Variants in CNKSR2 observed in about 807,000 individuals in gnomAD.
CNKSR2 encodes connector enhancer of kinase suppressor of Ras 2.
A neutral mutation model predicts 84.4 loss-of-function variants in CNKSR2; 14 were observed. The observed-to-expected ratio is 0.17, with a 90% confidence interval of 0.11 to 0.26. The LOEUF (loss-of-function observed/expected upper bound fraction) is 0.26. CNKSR2 is among the 10% of genes least tolerant of loss of function. The pLI, the probability that CNKSR2 is intolerant of heterozygous loss-of-function variation, is 1.00. For missense variants in CNKSR2, 485 were observed against 771.2 expected (o/e 0.63, Z 4.40); for synonymous variants, 275 against 277.9 (o/e 0.99, Z 0.10).
At chrX:21,493,148 C>T (rs774434870) in intron 6 of CNKSR2, 1 of 112,166 alleles carries the variant, frequency 8.9e-6, no homozygotes, top group African/African-American at 3.2e-5. Context: ...TTTAACAGTC[C>T]TAAAGCATTG....
chrX:21,385,490 G>T (rs894400190), intron 1 of CNKSR2, among the ~76,000 whole-genome samples: 2 of 111,656 alleles, frequency 1.8e-5, no homozygotes, highest in Admixed American at 9.5e-5. Context: ...ACTGTGTCCT[G>T]TGCTAGGTGC....
At chrX:21,571,767 A>G (rs1219619290) in intron 13 of CNKSR2, among the ~76,000 whole-genome samples, 1 of 112,318 alleles carries the variant, frequency 8.9e-6, no homozygotes, top group Non-Finnish European at 1.9e-5. Context: ...TGATATTACT[A>G]ACATATAAAC....
intron 1 of CNKSR2, among the ~76,000 whole-genome samples, chrX:21,413,355 C>T (rs914356011): frequency 9.1e-6 from 1 of 110,228 alleles, no homozygotes; most frequent in Non-Finnish European, 1.9e-5. Flanking sequence ...ATATGGGGTA[C>T]ATGAGATGTT....
chrX:21,539,916 T>C (rs1206267418), intron 11 of CNKSR2, among the ~76,000 whole-genome samples: 2 of 112,463 alleles, frequency 1.8e-5, no homozygotes, highest in East Asian at 5.5e-4. Context: ...TTAATGTATT[T>C]ACCTTTTTAA....
chrX:21,503,291 C>T, intron 8 of CNKSR2: 1 of 295,246 alleles, frequency 3.4e-6, no homozygotes, highest in Non-Finnish European at 5.9e-6. Flanking sequence ...TTTGGGAAAA[C>T]TTGGTTCCAG....
At chrX:21,542,228 A>T (rs915631928) in intron 11 of CNKSR2, among the ~76,000 whole-genome samples, 4 of 112,726 alleles carry the variant, frequency 3.5e-5, no homozygotes, top group Non-Finnish European at 7.5e-5. Flanking sequence ...TAGCAGAAGC[A>T]ATCTAGATTA....
intron 4 of CNKSR2, among the ~76,000 whole-genome samples, chrX:21,450,425 A>C (rs2090912939): frequency 9.0e-6 from 1 of 111,416 alleles, no homozygotes; most frequent in South Asian, 3.8e-4. Flanking sequence ...TTTTTCAAAT[A>C]CTGCACACAA....
chrX:21,499,687 A>G (rs77399723), intron 7 of CNKSR2, among the ~76,000 whole-genome samples: 147 of 110,357 alleles, frequency 1.3e-3, no homozygotes, highest in Non-Finnish European at 2.4e-3. Flanking sequence ...GTCATTTATA[A>G]TTAGGAGATC....
intron 17 of CNKSR2, among the ~76,000 whole-genome samples, chrX:21,596,305 G>A (rs1015392043): frequency 9.0e-6 from 1 of 111,573 alleles, no homozygotes; most frequent in Admixed American, 9.6e-5. Context: ...CTGATTAGCT[G>A]TGAGACCTTG....
At chrX:21,544,868 G>A (rs968738477) in intron 11 of CNKSR2, among the ~76,000 whole-genome samples, 1 of 111,438 alleles carries the variant, frequency 9.0e-6, no homozygotes, top group East Asian at 2.9e-4. Flanking sequence ...CAGATACTAC[G>A]CTTTTCCCAT....
chrX:21,636,015 G>A lies in CNKSR2; in HGVS notation c.2693-12816G>A, dbSNP rs761209766. 8.1e-5 allele frequency among the ~76,000 whole-genome samples: 9 copies of A among 111,249 alleles called. No homozygotes were observed. In the South Asian group the frequency reaches 1.5e-3, roughly 19 times the overall value. On this transcript the variant is annotated intron_variant, in intron 20 of 21. Coordinates refer to ENST00000379510, the MANE Select transcript of CNKSR2 (RefSeq NM_014927.5). ...TACTTTTCAGAGTACTTATCAGGTA[G>A]GAAAGAGAATGTCCTAATAGGGTTT...
chrX:21,457,978 T>G (rs1430065569), intron 4 of CNKSR2, among the ~76,000 whole-genome samples: 3 of 112,226 alleles, frequency 2.7e-5, no homozygotes, highest in Admixed American at 9.4e-5. Flanking sequence ...CATAATAGAC[T>G]GGAATCTGCT....
At chrX:21,480,276 C>T (rs5951449) in intron 5 of CNKSR2, among the ~76,000 whole-genome samples, 10,847 of 110,955 alleles carry the variant, frequency 0.098, 496 homozygotes, top group East Asian at 0.25. Flanking sequence ...GTGAAGACAT[C>T]GCTCCCAGGT....
chrX:21,571,686 A>G (rs776707766), intron 13 of CNKSR2, among the ~76,000 whole-genome samples: 89 of 112,239 alleles, frequency 7.9e-4, no homozygotes, highest in African/African-American at 2.7e-3. Flanking sequence ...CTAAAGCCAT[A>G]TCTGCTCATA....
At chrX:21,463,117 T>C (rs1016369071) in intron 4 of CNKSR2, among the ~76,000 whole-genome samples, 1 of 111,618 alleles carries the variant, frequency 9.0e-6, no homozygotes, top group East Asian at 2.8e-4. Flanking sequence ...ATTCTTTTGG[T>C]ATGATGTATC....
At position 21,517,216 on chromosome X, in the gene CNKSR2, C is replaced by A. The variant is rs371811565; in HGVS notation, c.957+585C>A. 5.4e-5 allele frequency among the ~76,000 whole-genome samples: 6 copies of A among 110,398 alleles called. No homozygotes were observed. In the East Asian group the frequency reaches 1.4e-3, roughly 27 times the overall value. ...CCTGGGCAACATAGCAAAACCCCAT[C>A]TGTACAAAAAATTAAAAACTTAGCC... On this transcript the variant is annotated intron_variant, in intron 9 of 21. Transcript: ENST00000379510.
intron 9 of CNKSR2, among the ~76,000 whole-genome samples, chrX:21,521,752 T>C (rs185131218): frequency 3.6e-5 from 4 of 110,793 alleles, no homozygotes; most frequent in Non-Finnish European, 5.7e-5. Flanking sequence ...TAGGTAGATA[T>C]GGTTTTCTGA....
chrX:21,576,791 C>T (rs975546411), intron 13 of CNKSR2, among the ~76,000 whole-genome samples: 1 of 110,423 alleles, frequency 9.1e-6, no homozygotes, highest in Non-Finnish European at 1.9e-5. Context: ...CAAAACTCAC[C>T]CAAAATGAAA....
At chrX:21,460,717 T>C (rs1432086304) in intron 4 of CNKSR2, among the ~76,000 whole-genome samples, 1 of 111,438 alleles carries the variant, frequency 9.0e-6, no homozygotes, top group Non-Finnish European at 1.9e-5. Flanking sequence ...CAGCCTCTGG[T>C]AACCATCTTT....
Sources: allele counts gnomAD v4.1 joint callset (sites outside exome capture counted in the v4.1 genomes callset), GRCh38; gene constraint gnomAD v4.1.1; transcripts MANE v1.5; gene names NCBI Gene and HGNC (gene_info 2026-07-23, HGNC 2026-07-21).